MAGI2: variants seen among roughly 807,000 people sequenced by gnomAD.
MAGI2 encodes membrane associated guanylate kinase, WW and PDZ domain containing 2, also known as membrane-associated guanylate kinase, WW and PDZ domain-containing protein 2.
A neutral mutation model predicts 133.3 loss-of-function variants in MAGI2; 35 were observed. That is an observed-to-expected ratio of 0.26 (90% CI 0.20 to 0.35). The LOEUF (loss-of-function observed/expected upper bound fraction) is 0.35, where lower values mean the gene tolerates loss of function less well. Among genes scored for constraint, MAGI2 ranks in the 10% least tolerant of loss-of-function variants. The pLI is 1.00. For missense variants in MAGI2, 1,636 were observed against 1,863.4 expected, an observed-to-expected ratio of 0.88 and a Z score of 2.25; for synonymous variants, 729 against 710.6, an observed-to-expected ratio of 1.03 and a Z score of -0.41.
chr7:78,884,868 A>G (rs996179450), intron 2 of MAGI2, among the ~76,000 whole-genome samples: 4 of 152,324 alleles, frequency 2.6e-5, no homozygotes, highest in Admixed American at 6.5e-5. Flanking sequence ...ACACCTATAC[A>G]TGCATGTTTA....
intron 2 of MAGI2, among the ~76,000 whole-genome samples, chr7:78,742,025 A>T (rs1044745458): frequency 6.6e-6 from 1 of 151,948 alleles, no homozygotes; most frequent in Non-Finnish European, 1.5e-5. Context: ...TTATCAAAGG[A>T]CAGTAATCAG....
chr7:78,840,274 T>C (rs1039346474), intron 2 of MAGI2, among the ~76,000 whole-genome samples: 3 of 152,102 alleles, frequency 2.0e-5, no homozygotes, highest in Non-Finnish European at 4.4e-5. Flanking sequence ...TTTAGTTAGT[T>C]AAATCTATAT....
At chr7:78,556,544 G>A (rs1444017464) in intron 3 of MAGI2, among the ~76,000 whole-genome samples, 1 of 152,176 alleles carries the variant, frequency 6.6e-6, no homozygotes, top group Admixed American at 6.5e-5. Context: ...ACTAAAATGG[G>A]AGCACTTGAG....
Position 78,019,700 on chromosome 7 carries a change from A to G in MAGI2, c.3983T>C (p.Leu1328Pro). ...CCCCTGGCCGCCGGGCGCCTCCTCG[A>G]GCCTCGGCCGCGCGGCCCTCTGCGG... ...ASPQRAARPRLEEAPGGQGRP... is the reference protein window; with the variant it reads ...ASPQRAARPRPEEAPGGQGRP... Residue 1328 changes from leucine (L) to proline (P), a missense_variant, in exon 22 of 22, where the codon CTC (leucine) becomes CCC (proline). Around this residue, in one of 5 missense-constraint regions of MAGI2, gnomAD observed 354 missense variants for 298.7 expected, o/e 1.19. Coordinates refer to ENST00000354212, the MANE Select transcript of MAGI2 (RefSeq NM_012301.4). 1 of 1,565,570 alleles carries G rather than the reference A, an allele frequency of 6.4e-7. No individual in the cohort carries two copies. The highest frequency in any genetic ancestry group is 8.6e-7 in the Non-Finnish European group (1 of 1,164,374).
chr7:78,345,904 T>G lies in MAGI2; in HGVS notation c.1225+18A>C. On this transcript the variant is annotated intron_variant, in intron 8 of 21. Coordinates refer to ENST00000354212, the MANE Select transcript of MAGI2 (RefSeq NM_012301.4). ...ACAATTTTCCCTTTGAAACATCACA[T>G]GCTGACAGGTATCATACCTCGGAAA... 6.2e-7 allele frequency: 1 copy of G among 1,612,370 alleles called. No homozygotes were observed. The highest frequency in any genetic ancestry group is 1.1e-5 in the South Asian group (1 of 90,584).
chr7:78,682,623 T>C (rs1250831431), intron 2 of MAGI2, among the ~76,000 whole-genome samples: 1 of 152,180 alleles, frequency 6.6e-6, no homozygotes, highest in Non-Finnish European at 1.5e-5. Flanking sequence ...AGTCTATCAT[T>C]GATGGGCGTT....
chr7:79,226,399 T>A (rs974158496), intron 1 of MAGI2, among the ~76,000 whole-genome samples: 9 of 152,158 alleles, frequency 5.9e-5, no homozygotes, highest in African/African-American at 2.2e-4. Context: ...TTGTGACAGC[T>A]ATAGAATTTC....
chr7:78,594,482 AGAGTCT>A (rs1804382352), intron 3 of MAGI2, among the ~76,000 whole-genome samples: 1 of 152,098 alleles, frequency 6.6e-6, no homozygotes, highest in Non-Finnish European at 1.5e-5. Flanking sequence ...TTTTTGAGAC[AGAGTCT>A]TGCTCTGTTG....
intron 9 of MAGI2, among the ~76,000 whole-genome samples, chr7:78,311,613 TG>T (rs975054055): frequency 4.6e-5 from 7 of 152,208 alleles, no homozygotes; most frequent in Admixed American, 3.9e-4. Flanking sequence ...TGTCATCTGA[TG>T]CATGAGAACA....
At chr7:78,982,481 C>A (rs1350128011) in intron 2 of MAGI2, among the ~76,000 whole-genome samples, 1 of 151,696 alleles carries the variant, frequency 6.6e-6, no homozygotes, top group Non-Finnish European at 1.5e-5. Flanking sequence ...TATTCAAAAC[C>A]AATTTTTTTT....
intron 1 of MAGI2, among the ~76,000 whole-genome samples, chr7:79,180,250 A>G (rs1199550408): frequency 6.6e-6 from 1 of 152,042 alleles, no homozygotes; most frequent in Non-Finnish European, 1.5e-5. Context: ...TTAAAAAGAC[A>G]AAAAATAACA....
chr7:78,283,081 TTGAACTCC>T (rs1795790619), intron 9 of MAGI2, among the ~76,000 whole-genome samples: 1 of 152,174 alleles, frequency 6.6e-6, no homozygotes, highest in Non-Finnish European at 1.5e-5. Context: ...CAGGCTGGTC[TTGAACTCC>T]TGAGCTCCAG....
intron 2 of MAGI2, among the ~76,000 whole-genome samples, chr7:78,831,278 C>T (rs1008804338): frequency 6.6e-6 from 1 of 152,170 alleles, no homozygotes; most frequent in Non-Finnish European, 1.5e-5. Context: ...TTTCCACATA[C>T]TATTGGTCCC....
intron 21 of MAGI2, among the ~76,000 whole-genome samples, chr7:78,032,389 A>G (rs1247101249): frequency 6.6e-6 from 1 of 151,968 alleles, no homozygotes; most frequent in Non-Finnish European, 1.5e-5. Context: ...TAGCTTCTGT[A>G]TTTTTTGTAG....
intron 1 of MAGI2, among the ~76,000 whole-genome samples, chr7:79,018,151 A>G (rs1299160977): frequency 6.6e-6 from 1 of 152,054 alleles, no homozygotes; most frequent in Non-Finnish European, 1.5e-5. Context: ...GCAGCTAGAA[A>G]GAAGGGTCAG....
intron 2 of MAGI2, among the ~76,000 whole-genome samples, chr7:78,801,653 T>C (rs2151386800): frequency 6.6e-6 from 1 of 152,262 alleles, no homozygotes; most frequent in Non-Finnish European, 1.5e-5. Context: ...ACTTAAAAAT[T>C]GTAAAATTAG....
intron 6 of MAGI2, among the ~76,000 whole-genome samples, chr7:78,464,375 A>C (rs1790394679): frequency 6.6e-6 from 1 of 152,144 alleles, no homozygotes; most frequent in African/African-American, 2.4e-5. Context: ...ACTTCACTGC[A>C]GCATGTATCA....
intron 2 of MAGI2, among the ~76,000 whole-genome samples, chr7:78,917,485 T>A (rs1459421084): frequency 6.6e-6 from 1 of 152,104 alleles, no homozygotes; most frequent in African/African-American, 2.4e-5. Context: ...GAGAAGAAAT[T>A]GTCCTTGTGA....
At chr7:78,719,466 G>A (rs73150764) in intron 2 of MAGI2, among the ~76,000 whole-genome samples, 6,807 of 152,234 alleles carry the variant, frequency 0.045, 231 homozygotes, top group Non-Finnish European at 0.069. Flanking sequence ...TTACAGAAGT[G>A]ACATTGTCAT....
Sources: gnomAD v4.1 joint callset for allele counts (sites outside exome capture counted in the v4.1 genomes callset) on GRCh38, gnomAD v4.1.1 for gene constraint, gnomAD v4.1.1 regional missense constraint, MANE v1.5 for transcripts, NCBI Gene and HGNC (gene_info 2026-07-23, HGNC 2026-07-21) for gene names.